ALKAL1: variants seen among roughly 807,000 people sequenced by gnomAD.
The protein encoded by ALKAL1 is AUG-beta.
ALKAL1 carries 23 observed loss-of-function variants against 13.5 expected under a neutral mutation model. The observed-to-expected ratio is 1.70, with a 90% CI of 1.23 to 2.41. The LOEUF (loss-of-function observed/expected upper bound fraction) is 2.41, where lower values mean the gene tolerates loss of function less well. Ranked by LOEUF, ALKAL1 falls within the 30% of genes most tolerant of loss-of-function variation. The pLI, the probability that ALKAL1 is intolerant of heterozygous loss-of-function variation, is 0.00. For missense variants in ALKAL1, 181 were observed against 178.4 expected (o/e 1.01, Z -0.08); for synonymous variants, 85 against 77.7 (o/e 1.09, Z -0.49).
intron 1 of ALKAL1, among the ~76,000 whole-genome samples, chr8:52,547,445 A>G (rs1013761480): frequency 1.3e-5 from 2 of 152,222 alleles, no homozygotes; most frequent in African/African-American, 4.8e-5. Flanking sequence ...GGTTGTAGTG[A>G]GCCAAGATCG....
intron 1 of ALKAL1, among the ~76,000 whole-genome samples, chr8:52,558,910 C>T (rs1253716352): frequency 1.3e-5 from 2 of 152,104 alleles, no homozygotes; most frequent in African/African-American, 4.8e-5. Flanking sequence ...GATTGGGCAT[C>T]GGCAGCTGGG....
chr8:52,540,216 G>A (rs193167130), intron 2 of ALKAL1, among the ~76,000 whole-genome samples: 2 of 152,320 alleles, frequency 1.3e-5, no homozygotes, highest in East Asian at 1.9e-4. Context: ...AGTCTGTAGT[G>A]AGCAAATTGA....
chr8:52,554,418 C>A lies in ALKAL1; in HGVS notation c.190+10649G>T, dbSNP rs913234254. ...CAGTGACATTTATCAACAAACAAAG[C>A]AACTGGGAAACTCCAGAGGGCTGTT... On this transcript the variant is annotated intron_variant, in intron 1 of 4. Transcript: ENST00000358543. 2.0e-4 allele frequency among the ~76,000 whole-genome samples: 31 copies of A among 152,168 alleles called. 1 individual carries two copies. The highest frequency in any genetic ancestry group is 2.0e-3 in the Admixed American group (31 of 15,278).
Position 52,542,896 on chromosome 8 carries a change from T to G in ALKAL1, c.191-451A>C, listed in dbSNP as rs147545477. On this transcript the variant is annotated intron_variant, in intron 1 of 4. Transcript: ENST00000358543. Reference sequence around the variant, plus strand: ...AAATTATTCCAGACCCACTCACTTCTTTCTCCTTCCCTCAACGAGTCTGGC... The same window carrying G: ...AAATTATTCCAGACCCACTCACTTCGTTCTCCTTCCCTCAACGAGTCTGGC... Among the ~76,000 whole-genome samples the G allele has an allele frequency of 2.8e-3, 420 of 152,350 alleles. 1 individual carries two copies. The highest frequency in any genetic ancestry group is 5.1e-3 in the Non-Finnish European group (349 of 68,028).
At position 52,561,645 on chromosome 8, in the gene ALKAL1, G is replaced by T. The variant is rs1276470137; in HGVS notation, c.190+3422C>A. Among the ~76,000 whole-genome samples, 12 of 152,238 alleles carry T rather than the reference G, an allele frequency of 7.9e-5. No homozygotes were observed. In the East Asian group the frequency reaches 2.3e-3, roughly 29 times the overall value. ...CTAGGACCTTCCTGGAAAATCAAGAGAAACCACAGCAGATTTATGACCAGG... is the reference window on the plus strand; with the variant it reads ...CTAGGACCTTCCTGGAAAATCAAGATAAACCACAGCAGATTTATGACCAGG... On this transcript the variant is annotated intron_variant, in intron 1 of 4. Transcript: ENST00000358543.
At chr8:52,562,745 C>T (rs1012815704) in intron 1 of ALKAL1, among the ~76,000 whole-genome samples, 13 of 150,420 alleles carry the variant, frequency 8.6e-5, no homozygotes, top group African/African-American at 3.0e-4. Flanking sequence ...GTGCTTATTA[C>T]GTCACTACAG....
intron 1 of ALKAL1, among the ~76,000 whole-genome samples, chr8:52,564,079 AAGGGATC>A (rs1847577031): frequency 1.3e-5 from 2 of 152,224 alleles, no homozygotes; most frequent in Admixed American, 6.5e-5. Context: ...GCCTGAGGAG[AAGGGATC>A]AGGAGCTGTG....
At chr8:52,556,589 G>C (rs895814492) in intron 1 of ALKAL1, among the ~76,000 whole-genome samples, 51 of 138,466 alleles carry the variant, frequency 3.7e-4, no homozygotes, top group Admixed American at 7.7e-4. Context: ...GGAGCTTGCA[G>C]TGAGTCGAGA....
At chr8:52,548,009 G>A (rs1482556365) in intron 1 of ALKAL1, among the ~76,000 whole-genome samples, 1 of 152,194 alleles carries the variant, frequency 6.6e-6, no homozygotes, top group African/African-American at 2.4e-5. Flanking sequence ...CAAGTGCTCA[G>A]TAGCCTCATG....
At chr8:52,552,837 C>T (rs1252201443) in intron 1 of ALKAL1, among the ~76,000 whole-genome samples, 1 of 152,172 alleles carries the variant, frequency 6.6e-6, no homozygotes, top group Non-Finnish European at 1.5e-5. Flanking sequence ...CTGTCCTAGT[C>T]TTGGTTTTAG....
intron 1 of ALKAL1, among the ~76,000 whole-genome samples, chr8:52,561,722 G>A (rs1035915593): frequency 2.6e-5 from 4 of 152,130 alleles, no homozygotes; most frequent in African/African-American, 4.8e-5. Context: ...CCATTGTTCA[G>A]CATAACCTCA....
At chr8:52,559,533 A>G (rs1467075626) in intron 1 of ALKAL1, among the ~76,000 whole-genome samples, 1 of 152,204 alleles carries the variant, frequency 6.6e-6, no homozygotes, top group Non-Finnish European at 1.5e-5. Context: ...AATTCAAGGT[A>G]CATGAGAATT....
chr8:52,539,799 TAA>T (rs34430102), intron 3 of ALKAL1, 30 bp downstream of exon 3: 153 of 1,248,324 alleles, frequency 1.2e-4, no homozygotes, highest in Non-Finnish European at 1.4e-4. Context: ...GTTGGATAAT[TAA>T]AAAAAAAAAA....
chr8:52,557,629 C>G (rs960337397), intron 1 of ALKAL1, among the ~76,000 whole-genome samples: 3 of 152,090 alleles, frequency 2.0e-5, no homozygotes, highest in Non-Finnish European at 2.9e-5. Flanking sequence ...CAGAGCCTAC[C>G]AAGCGTGAGT....
chr8:52,544,870 A>G (rs1348279651), intron 1 of ALKAL1, among the ~76,000 whole-genome samples: 1 of 152,212 alleles, frequency 6.6e-6, no homozygotes, highest in Non-Finnish European at 1.5e-5. Context: ...AAGACATACA[A>G]TAAAAATAAA....
At chr8:52,549,534 A>G (rs1302810888) in intron 1 of ALKAL1, among the ~76,000 whole-genome samples, 3 of 151,674 alleles carry the variant, frequency 2.0e-5, no homozygotes, top group Non-Finnish European at 4.4e-5. Context: ...GTATCTTCCC[A>G]TGGCTGTCAT....
At chr8:52,553,223 C>G (rs887776836) in intron 1 of ALKAL1, among the ~76,000 whole-genome samples, 1 of 152,050 alleles carries the variant, frequency 6.6e-6, no homozygotes, top group African/African-American at 2.4e-5. Flanking sequence ...TGGTGCATGA[C>G]TGTGGTCCAT....
At position 52,565,282 on chromosome 8, in the gene ALKAL1, G is replaced by A; in HGVS notation, c.-26C>T. 1 of 1,290,172 alleles carries A rather than the reference G, an allele frequency of 7.8e-7. No homozygotes were observed. 79.9% of individuals were successfully genotyped at this position (1,290,172 alleles called of 1,614,324 possible). Reference sequence around the variant, plus strand: ...GTTCGCAAGCCGGGAGGAGAGAGCGGGAGACTCCGGGAGGATCCCGACGCA... The same window carrying A: ...GTTCGCAAGCCGGGAGGAGAGAGCGAGAGACTCCGGGAGGATCCCGACGCA... On this transcript the variant is annotated 5_prime_UTR_variant, in exon 1 of 5. Transcript: ENST00000358543.
chr8:52,559,849 T>C (rs1442719471), intron 1 of ALKAL1, among the ~76,000 whole-genome samples: 2 of 152,182 alleles, frequency 1.3e-5, no homozygotes, highest in Non-Finnish European at 2.9e-5. Context: ...ATGTCCACAA[T>C]TATGTATCTA....
Sources: allele counts gnomAD v4.1 joint callset (sites outside exome capture counted in the v4.1 genomes callset), GRCh38; gene constraint gnomAD v4.1.1; transcripts MANE v1.5; gene names NCBI Gene and HGNC (gene_info 2026-07-23, HGNC 2026-07-21).